The following LRRC8D variants were observed in gnomAD, a reference collection of about 807,000 sequenced individuals.
The protein encoded by LRRC8D is volume-regulated anion channel subunit LRRC8D.
Under a neutral mutation model 55.8 loss-of-function variants are expected in LRRC8D, and 20 were observed. The observed-to-expected ratio is 0.36, with a 90% CI of 0.25 to 0.52. The LOEUF is 0.52. Ranked by LOEUF, LRRC8D falls within the 20% of genes least tolerant of loss-of-function variation. LRRC8D has a pLI of 0.93. For synonymous variants in LRRC8D, 352 were observed against 377.0 expected (o/e 0.93, Z 0.77); for missense variants, 651 against 1,030.8 (o/e 0.63, Z 5.05).
intron 1 of LRRC8D, among the ~76,000 whole-genome samples, chr1:89,828,938 T>C (rs993738567): frequency 1.3e-5 from 2 of 152,196 alleles, no homozygotes; most frequent in Admixed American, 1.3e-4. Context: ...AGACACCTTT[T>C]TCTCTGATGG....
chr1:89,856,288 A>G (rs1272441802), intron 2 of LRRC8D, among the ~76,000 whole-genome samples: 1 of 152,180 alleles, frequency 6.6e-6, no homozygotes, highest in East Asian at 1.9e-4. Flanking sequence ...CATGTTGAAC[A>G]CTGAACCATA....
intron 2 of LRRC8D, among the ~76,000 whole-genome samples, chr1:89,880,693 TC>T (rs1181205718): frequency 6.6e-6 from 1 of 152,150 alleles, no homozygotes; most frequent in African/African-American, 2.4e-5. Context: ...TATATATATT[TC>T]CTTTGTATCA....
chr1:89,869,094 A>C (rs1160016399), intron 2 of LRRC8D, among the ~76,000 whole-genome samples: 2 of 151,982 alleles, frequency 1.3e-5, no homozygotes, highest in Non-Finnish European at 2.9e-5. Context: ...TTTAGCAGAG[A>C]TGGGGTTTCG....
Position 89,835,356 on chromosome 1 carries a change from G to C in LRRC8D, c.-147-8282G>C, listed in dbSNP as rs1366527828. Among the ~76,000 whole-genome samples, 7 of 152,220 alleles carry C rather than the reference G, an allele frequency of 4.6e-5. No homozygotes were observed. The East Asian group carries it at 1.3e-3, about 29-fold the overall frequency. ...AGGGGGCCAGTCATCAAACTTTGTG[G>C]AAGTTCTGTCTGTGTAGGTTCTATG... is the stretch of plus-strand genomic sequence containing the variant. On this transcript the variant is annotated intron_variant, in intron 1 of 2. Transcript: ENST00000337338.
chr1:89,842,214 GAAAAAAAA>G (rs55785953), intron 1 of LRRC8D, among the ~76,000 whole-genome samples: 5 of 130,560 alleles, frequency 3.8e-5, no homozygotes, highest in African/African-American at 3.0e-5. Context: ...CTCTGTCTCA[GAAAAAAAA>G]AAAAAAAAAA....
At chr1:89,928,441 A>G (rs1019038075) in intron 2 of LRRC8D, among the ~76,000 whole-genome samples, 9 of 152,170 alleles carry the variant, frequency 5.9e-5, no homozygotes, top group Non-Finnish European at 8.8e-5. Context: ...CTGGGACTTA[A>G]TAAGGAAAAG....
rs115858483 is a variant in LRRC8D at position 89,911,804 on chromosome 1, C to T, written c.-2-21263C>T. Among the ~76,000 whole-genome samples the T allele has an allele frequency of 3.4e-3, 518 of 152,318 alleles. 4 individuals are homozygous for T. The highest frequency in any genetic ancestry group is 0.012 in the African/African-American group (498 of 41,570). On this transcript the variant is annotated intron_variant, in intron 2 of 2. Coordinates refer to ENST00000337338, the MANE Select transcript of LRRC8D (RefSeq NM_001134479.2). This position sits in a 1 kb window ranked among gnomAD's most constrained non-coding sequence, Gnocchi z 4.0. ...CTTAACGTGCGTGACTTGCTTTTGA[C>T]ACCTGCAATGCTGCTTACCACTCTC... is the stretch of plus-strand genomic sequence containing the variant.
At chr1:89,846,621 G>A (rs1377000570) in intron 2 of LRRC8D, 2 of 151,932 alleles carry the variant, frequency 1.3e-5, no homozygotes, top group Non-Finnish European at 2.9e-5. Context: ...CAGGTTTTTC[G>A]TTATACCTCT....
chr1:89,923,697 A>T (rs773076181), intron 2 of LRRC8D, among the ~76,000 whole-genome samples: 1 of 152,262 alleles, frequency 6.6e-6, no homozygotes, highest in Non-Finnish European at 1.5e-5. Context: ...ACAAGACTAC[A>T]GTAACCAAAA....
rs1663127757 is a variant in LRRC8D at position 89,911,239 on chromosome 1, G to C, written c.-2-21828G>C. On this transcript the variant is annotated intron_variant, in intron 2 of 2. Coordinates refer to ENST00000337338, the MANE Select transcript of LRRC8D (RefSeq NM_001134479.2). This position sits in a 1 kb window ranked among gnomAD's most constrained non-coding sequence, Gnocchi z 4.0. ...TTTGCAAGTTACCTTTTTCCCTTTAGACTTTTCAAAAAAGAACCTTTTAAA... is the reference window on the plus strand; with the variant it reads ...TTTGCAAGTTACCTTTTTCCCTTTACACTTTTCAAAAAAGAACCTTTTAAA... 6.7e-6 allele frequency among the ~76,000 whole-genome samples: 1 copy of C among 150,164 alleles called. No individual in the cohort carries two copies. The highest frequency in any genetic ancestry group is 2.5e-5 in the African/African-American group (1 of 40,786).
intron 2 of LRRC8D, among the ~76,000 whole-genome samples, chr1:89,844,586 T>C (rs1256327399): frequency 2.0e-5 from 3 of 152,134 alleles, no homozygotes; most frequent in Admixed American, 6.5e-5. Context: ...AAATTGAGAG[T>C]GACTTTTCTC....
rs764081607 is a variant in LRRC8D, at chr1:89,935,670, T to C, written c.*25T>C. 3.8e-6 allele frequency: 6 copies of C among 1,596,352 alleles called. No homozygotes were observed. In the East Asian group the frequency reaches 1.3e-4, roughly 36 times the overall value. On this transcript the variant is annotated 3_prime_UTR_variant, in exon 3 of 3. Transcript: ENST00000337338. ...AACTAAGATAATATATGCACAGTGA[T>C]GTGCAGGAACAACTTCCTAGATTGC...
intron 2 of LRRC8D, among the ~76,000 whole-genome samples, chr1:89,884,515 A>T (rs1662364926): frequency 6.6e-6 from 1 of 152,214 alleles, no homozygotes; most frequent in African/African-American, 2.4e-5. Context: ...TTAGGTAAGG[A>T]TTTATGGCGA....
chr1:89,829,785 T>G (rs868339334), intron 1 of LRRC8D, among the ~76,000 whole-genome samples: 8 of 152,338 alleles, frequency 5.3e-5, no homozygotes, highest in Middle Eastern at 3.4e-3. Flanking sequence ...AATGAAAATT[T>G]ATCCTGGAAT....
At chr1:89,865,163 C>T (rs1661810898) in intron 2 of LRRC8D, among the ~76,000 whole-genome samples, 1 of 152,092 alleles carries the variant, frequency 6.6e-6, no homozygotes, top group Admixed American at 6.5e-5. Context: ...ACAGTAGGAT[C>T]TCCCGTGTTT....
chr1:89,921,783 A>T (rs1377421256), intron 2 of LRRC8D, among the ~76,000 whole-genome samples: 1 of 152,132 alleles, frequency 6.6e-6, no homozygotes, highest in Non-Finnish European at 1.5e-5. Context: ...ACCTCAGGTG[A>T]TCTGTCCTCC....
At position 89,882,492 on chromosome 1, in the gene LRRC8D, G is replaced by A. The variant is rs138554437; in HGVS notation, c.-3+38710G>A. On this transcript the variant is annotated intron_variant, in intron 2 of 2. Coordinates refer to ENST00000337338, the MANE Select transcript of LRRC8D (RefSeq NM_001134479.2). ...CTGCAGGCGCTGTGAGTCCACAGAT[G>A]GTAAATGCTGTGGGAGATAATGAAT... Among the ~76,000 whole-genome samples, 1,242 of 152,318 alleles carry A rather than the reference G, an allele frequency of 8.2e-3. 16 individuals are homozygous for A. Among genetic ancestry groups the A allele is most frequent in the South Asian group, 0.038 (184 of 4,828 alleles).
chr1:89,853,953 TTTGG>T (rs1320564094), intron 2 of LRRC8D, among the ~76,000 whole-genome samples: 9 of 151,948 alleles, frequency 5.9e-5, no homozygotes, highest in African/African-American at 2.2e-4. Flanking sequence ...GAGCTTATAG[TTTGG>T]TTGAGAATAG....
chr1:89,897,148 T>C (rs1368169569), intron 2 of LRRC8D, among the ~76,000 whole-genome samples: 5 of 152,256 alleles, frequency 3.3e-5, no homozygotes, highest in African/African-American at 1.2e-4. Context: ...ATGATAACTA[T>C]TGATGTATGT....
Sources: gnomAD v4.1 joint callset for allele counts (sites outside exome capture counted in the v4.1 genomes callset) on GRCh38, gnomAD v4.1.1 for gene constraint, Gnocchi (gnomAD v3.1) non-coding constraint, MANE v1.5 for transcripts, NCBI Gene and HGNC (gene_info 2026-07-23, HGNC 2026-07-21) for gene names.